TLL2: variants seen among roughly 807,000 people sequenced by gnomAD.
TLL2 encodes tolloid like 2.
In TLL2, 106 loss-of-function variants were observed where a neutral mutation model predicts 123.0. The ratio of observed to expected loss-of-function variants is 0.86; its 90% CI spans 0.74 to 1.01. TLL2 has a LOEUF of 1.01. Among genes scored for constraint, TLL2 ranks in the 50% least tolerant of loss-of-function variants. The probability of loss-of-function intolerance (pLI) is 0.00; values close to 1 mark genes in which losing one functional copy is unlikely to be tolerated. For missense variants in TLL2, 1,332 were observed against 1,336.7 expected (o/e 1.00, Z 0.06); for synonymous variants, 494 against 516.8 (o/e 0.96, Z 0.60).
At chr10:96,446,263 G>A in intron 2 of TLL2, 95 bp from the exon 3 acceptor site, 3 of 1,145,338 alleles carry the variant, frequency 2.6e-6, no homozygotes, top group Non-Finnish European at 2.6e-6. Flanking sequence ...ACCTGGGGAG[G>A]ATCAGAATCA....
rs574141345 is a variant in TLL2 at position 96,492,950 on chromosome 10, T to A, written c.176-12491A>T. 3.3e-5 allele frequency among the ~76,000 whole-genome samples: 5 copies of A among 152,248 alleles called. No individual in the cohort carries two copies. In the South Asian group the frequency reaches 1.0e-3, roughly 32 times the overall value. The stretch of plus-strand genomic sequence containing the variant: ...ACAGGTCACTGGGTCCAACACTCTA[T>A]CCAGAGACAGGGAGCTCACGCCCTT... On this transcript the variant is annotated intron_variant, in intron 1 of 20. Coordinates refer to ENST00000357947, the MANE Select transcript of TLL2 (RefSeq NM_012465.4).
chr10:96,429,597 C>T (rs1372305644), intron 4 of TLL2, among the ~76,000 whole-genome samples: 2 of 152,128 alleles, frequency 1.3e-5, no homozygotes, highest in Non-Finnish European at 2.9e-5. Flanking sequence ...CCAGGTTTTT[C>T]GATTTGGAAA....
chr10:96,371,674 G>A (rs114393414), intron 19 of TLL2, among the ~76,000 whole-genome samples: 21,967 of 152,172 alleles, frequency 0.14, 1,640 homozygotes, highest in South Asian at 0.23. Context: ...AGGGTGGGAC[G>A]CCTCCCCTCC....
chr10:96,434,959 C>T (rs1272501775), intron 3 of TLL2, among the ~76,000 whole-genome samples: 4 of 151,846 alleles, frequency 2.6e-5, no homozygotes, highest in African/African-American at 7.3e-5. Flanking sequence ...ATCTCTTCCA[C>T]GTACTTGGTG....
chr10:96,456,206 G>T (rs992311433), intron 2 of TLL2, among the ~76,000 whole-genome samples: 23 of 152,118 alleles, frequency 1.5e-4, no homozygotes, highest in African/African-American at 5.3e-4. Context: ...CTCAATCCTC[G>T]ATAGCAAATA....
At chr10:96,503,502 G>A (rs915448548) in intron 1 of TLL2, among the ~76,000 whole-genome samples, 3 of 152,180 alleles carry the variant, frequency 2.0e-5, no homozygotes, top group Non-Finnish European at 2.9e-5. Context: ...CATGGGCTGC[G>A]TGATACCAAA....
chr10:96,436,806 C>G (rs1846800370), intron 3 of TLL2, among the ~76,000 whole-genome samples: 1 of 152,042 alleles, frequency 6.6e-6, no homozygotes, highest in Non-Finnish European at 1.5e-5. Flanking sequence ...CCCCCTCACC[C>G]TCCCAAGTAG....
At chr10:96,485,171 C>T (rs80018342) in intron 1 of TLL2, among the ~76,000 whole-genome samples, 5,950 of 152,024 alleles carry the variant, frequency 0.039, 153 homozygotes, top group Middle Eastern at 0.11. Flanking sequence ...GAGCTAAAAC[C>T]AAAAAACTAT....
intron 1 of TLL2, among the ~76,000 whole-genome samples, chr10:96,497,545 G>A (rs1490337009): frequency 6.6e-6 from 1 of 152,152 alleles, no homozygotes; most frequent in Non-Finnish European, 1.5e-5. Flanking sequence ...GGGAAGAGGA[G>A]AGAGGCTGTG....
intron 3 of TLL2, among the ~76,000 whole-genome samples, chr10:96,442,966 A>G (rs1269673300): frequency 2.0e-5 from 3 of 152,206 alleles, no homozygotes; most frequent in Non-Finnish European, 2.9e-5. Flanking sequence ...TAAACCTCAT[A>G]CAAGCAGTTA....
intron 19 of TLL2, among the ~76,000 whole-genome samples, chr10:96,372,149 A>G (rs1348353664): frequency 6.6e-6 from 1 of 152,188 alleles, no homozygotes; most frequent in African/African-American, 2.4e-5. Context: ...GAGGGCTTTT[A>G]AACTTCCCTG....
intron 1 of TLL2, among the ~76,000 whole-genome samples, chr10:96,493,938 C>T (rs929493168): frequency 1.3e-5 from 2 of 152,142 alleles, no homozygotes; most frequent in Non-Finnish European, 2.9e-5. Flanking sequence ...GTTGACAATC[C>T]GTAAGAAGGG....
At chr10:96,449,894 C>T (rs1033717234) in intron 2 of TLL2, among the ~76,000 whole-genome samples, 8 of 152,166 alleles carry the variant, frequency 5.3e-5, no homozygotes, top group Admixed American at 2.0e-4. Context: ...TCTGAGTATC[C>T]GCCCCCCTGC....
At chr10:96,406,673 A>T (rs931352596) in intron 9 of TLL2, among the ~76,000 whole-genome samples, 3 of 151,958 alleles carry the variant, frequency 2.0e-5, no homozygotes, top group Non-Finnish European at 4.4e-5. Flanking sequence ...CCCAGAGCTT[A>T]TCCTTTCTGG....
At chr10:96,411,912 T>C (rs1445353759) in intron 8 of TLL2, among the ~76,000 whole-genome samples, 1 of 152,198 alleles carries the variant, frequency 6.6e-6, no homozygotes, top group Non-Finnish European at 1.5e-5. Context: ...ATGAGGATTA[T>C]GCCTGGCAGT....
Position 96,376,691 on chromosome 10 carries a change from C to T in TLL2, c.2448+1G>A, listed in dbSNP as rs753694722. ...CTCAATAAACTACAAAAATGACTCACGAGTTTCACTCTGTGGCCTGCAGTC... is the reference window on the plus strand; with the variant it reads ...CTCAATAAACTACAAAAATGACTCATGAGTTTCACTCTGTGGCCTGCAGTC... On this transcript the variant is annotated splice_donor_variant, in intron 18 of 20. Coordinates refer to ENST00000357947, the MANE Select transcript of TLL2 (RefSeq NM_012465.4). LOFTEE classifies it high-confidence loss of function. 26 of 1,609,326 alleles carry T rather than the reference C, an allele frequency of 1.6e-5. No homozygotes were observed. The highest frequency in any genetic ancestry group is 8.1e-5 in the African/African-American group (6 of 74,400).
Position 96,405,337 on chromosome 10 carries a change from G to A in TLL2, c.1165-3C>T. On this transcript the variant is annotated splice_region_variant and splice_polypyrimidine_tract_variant and intron_variant, in intron 9 of 20. Transcript: ENST00000357947. ...ATGGATGTGAAGTTTAATACGATCT[G>A]TAAAGAATTACCATAAAGTGAGTTT... 6.2e-7 allele frequency: 1 copy of A among 1,613,876 alleles called. No homozygotes were observed. Among genetic ancestry groups the A allele is most frequent in the Non-Finnish European group, 8.5e-7 (1 of 1,179,800 alleles).
At chr10:96,433,162 T>C (rs1226224007) in intron 3 of TLL2, among the ~76,000 whole-genome samples, 200 bp from the exon 4 acceptor site, 1 of 152,128 alleles carries the variant, frequency 6.6e-6, no homozygotes, top group Admixed American at 6.5e-5. Flanking sequence ...TGTACCGGGC[T>C]ATGATGGGAG....
chr10:96,374,007 G>T (rs1226155968), intron 18 of TLL2, 198 bp from the exon 19 acceptor site: 2 of 583,338 alleles, frequency 3.4e-6, no homozygotes, highest in Non-Finnish European at 6.1e-6. Flanking sequence ...TTTTGGTCCA[G>T]CAAGTGGCCC....
Sources: gnomAD v4.1 joint callset for allele counts (sites outside exome capture counted in the v4.1 genomes callset) on GRCh38, gnomAD v4.1.1 for gene constraint, MANE v1.5 for transcripts, NCBI Gene and HGNC (gene_info 2026-07-23, HGNC 2026-07-21) for gene names.